The following FAM13A variants were observed in gnomAD, a reference collection of about 807,000 sequenced individuals.
FAM13A encodes the protein family with sequence similarity 13 member A, also known as protein FAM13A.
In FAM13A, 76 loss-of-function variants were observed where a neutral mutation model predicts 129.6. The ratio of observed to expected loss-of-function variants is 0.59; its 90% CI spans 0.49 to 0.71. The LOEUF is 0.71. Among genes scored for constraint, FAM13A ranks in the 30% least tolerant of loss-of-function variants. FAM13A has a pLI of 0.00. For synonymous variants in FAM13A, 443 were observed against 449.9 expected (o/e 0.98, Z 0.20); for missense variants, 1,108 against 1,249.3 (o/e 0.89, Z 1.70).
rs1352663934 is a variant in FAM13A at position 88,727,744 on chromosome 4, G to A, written c.*789C>T. On this transcript the variant is annotated 3_prime_UTR_variant, in exon 24 of 24. Transcript: ENST00000264344. Reference sequence around the variant, plus strand: ...AATCAGACTGGTAAGTGCAGTCAGTGTTCAGGAAAGAATCTCCAGGCTCTT... The same window carrying A: ...AATCAGACTGGTAAGTGCAGTCAGTATTCAGGAAAGAATCTCCAGGCTCTT... 1 of 152,262 alleles carries A rather than the reference G, an allele frequency of 6.6e-6. No individual in the cohort carries two copies. The highest frequency in any genetic ancestry group is 1.5e-5 in the Non-Finnish European group (1 of 68,094). 9.4% of individuals were successfully genotyped at this position (152,262 alleles called of 1,614,324 possible). A position where few individuals can be genotyped will look rare whatever the true frequency, so the allele number is the denominator to read the frequency against.
At chr4:88,966,131 T>C (rs1209909720) in intron 4 of FAM13A, among the ~76,000 whole-genome samples, 2 of 152,210 alleles carry the variant, frequency 1.3e-5, no homozygotes, top group African/African-American at 2.4e-5. Flanking sequence ...TGAAGACATG[T>C]TATGTAGTTT....
At chr4:88,767,294 T>C (rs548704738) in intron 13 of FAM13A, among the ~76,000 whole-genome samples, 11 of 152,244 alleles carry the variant, frequency 7.2e-5, no homozygotes, top group Non-Finnish European at 1.3e-4. Context: ...TTTGTTTTAC[T>C]TTATAGAAAA....
At chr4:88,795,897 C>A (rs1047265175) in intron 8 of FAM13A, among the ~76,000 whole-genome samples, 4 of 151,846 alleles carry the variant, frequency 2.6e-5, no homozygotes, top group African/African-American at 9.6e-5. Flanking sequence ...ATAACCCTTA[C>A]AGTAAACTTC....
intron 1 of FAM13A, among the ~76,000 whole-genome samples, chr4:89,053,739 A>G (rs922572487): frequency 2.0e-5 from 3 of 152,136 alleles, no homozygotes; most frequent in Admixed American, 2.0e-4. Flanking sequence ...CCAGTCATAG[A>G]TTTGAGACCT....
intron 1 of FAM13A, among the ~76,000 whole-genome samples, chr4:89,046,851 G>T (rs1346108722): frequency 6.6e-6 from 1 of 151,594 alleles, no homozygotes; most frequent in East Asian, 1.9e-4. Flanking sequence ...GCCCTATCTC[G>T]AAAAGAAAAG....
chr4:88,809,958 T>C (rs1729349696), intron 7 of FAM13A, among the ~76,000 whole-genome samples: 1 of 152,028 alleles, frequency 6.6e-6, no homozygotes, highest in Admixed American at 6.6e-5. Context: ...GTGGGGGATA[T>C]TTTACAATTC....
At chr4:88,833,555 A>G (rs1734280786) in intron 7 of FAM13A, among the ~76,000 whole-genome samples, 1 of 152,218 alleles carries the variant, frequency 6.6e-6, no homozygotes. Context: ...ATTTAAAAAC[A>G]AAAATAAAAA....
intron 6 of FAM13A, among the ~76,000 whole-genome samples, chr4:88,895,970 C>A (rs570190458): frequency 6.8e-6 from 1 of 147,622 alleles, no homozygotes; most frequent in Admixed American, 6.8e-5. Context: ...CACATGCACA[C>A]GTATGTTTAT....
rs778460827 is a variant in FAM13A at position 89,029,650 on chromosome 4, C to T, written c.28-1G>A. 6.4e-7 allele frequency: 1 copy of T among 1,571,342 alleles called. No homozygotes were observed. Among genetic ancestry groups the T allele is most frequent in the Non-Finnish European group, 8.6e-7 (1 of 1,166,854 alleles). The stretch of plus-strand genomic sequence containing the variant: ...TCAGCCGAACCGCTGCTTTACTTTG[C>T]TTAAAGGAGCGTAAGAAAAAAGAGC... On this transcript the variant is annotated splice_acceptor_variant, in intron 1 of 23. Transcript: ENST00000264344. LOFTEE classifies it high-confidence loss of function.
chr4:88,880,601 G>A (rs375842666), intron 6 of FAM13A, among the ~76,000 whole-genome samples: 3 of 152,120 alleles, frequency 2.0e-5, no homozygotes, highest in Admixed American at 6.5e-5. Flanking sequence ...TCTGAGGAAG[G>A]GGGCATTGGA....
rs551764320 is a variant in FAM13A, at chr4:88,771,793, T to C, written c.1459-3734A>G. On this transcript the variant is annotated intron_variant, in intron 11 of 23. Transcript: ENST00000264344. ...AAAATTTTGACTCATATAAGTCCTA[T>C]CAATGACTTTCAAAACACAGATTCA... 9.2e-4 allele frequency among the ~76,000 whole-genome samples: 140 copies of C among 152,304 alleles called. No individual in the cohort carries two copies. In the Middle Eastern group the frequency reaches 0.01, roughly 11 times the overall value.
At chr4:88,843,086 T>C (rs1181195843) in intron 7 of FAM13A, among the ~76,000 whole-genome samples, 1 of 152,210 alleles carries the variant, frequency 6.6e-6, no homozygotes, top group Non-Finnish European at 1.5e-5. Flanking sequence ...CAAGAATAAA[T>C]TACAAAATGG....
At chr4:88,932,948 T>A (rs971730641) in intron 5 of FAM13A, among the ~76,000 whole-genome samples, 13 of 152,168 alleles carry the variant, frequency 8.5e-5, no homozygotes, top group African/African-American at 3.1e-4. Context: ...ACCCAAAAGT[T>A]AACATATAAT....
chr4:88,748,968 G>A lies in FAM13A; in HGVS notation c.2145C>T (p.Phe715=). Residue 715 remains phenylalanine, a synonymous_variant, in exon 17 of 24, where the codon TTC becomes TTT. Transcript: ENST00000264344. The stretch of plus-strand genomic sequence containing the variant: ...TTTACCCACCTTTAAGTTGTCTCCG[G>A]AATTTGGCAAGGTCATTTGTCCATT... ...VLKWTNDLAK[F]RRQLKESKLK... is the part of the protein sequence containing the mutation. 1 of 1,613,722 alleles carries A rather than the reference G, an allele frequency of 6.2e-7. No individual in the cohort carries two copies. Among genetic ancestry groups the A allele is most frequent in the Non-Finnish European group, 8.5e-7 (1 of 1,179,602 alleles).
intron 7 of FAM13A, among the ~76,000 whole-genome samples, chr4:88,833,639 A>G (rs1734293565): frequency 6.6e-6 from 1 of 152,116 alleles, no homozygotes; most frequent in Admixed American, 6.5e-5. Context: ...TAATCCCAGC[A>G]CTTTAGGAGG....
intron 6 of FAM13A, among the ~76,000 whole-genome samples, chr4:88,873,317 CA>C (rs1237099975): frequency 3.3e-5 from 5 of 151,674 alleles, no homozygotes; most frequent in Non-Finnish European, 7.4e-5. Context: ...AATAGAGACA[CA>C]AAAAAACCCT....
At chr4:88,730,567 T>A (rs1737483054) in intron 23 of FAM13A, among the ~76,000 whole-genome samples, 1 of 152,084 alleles carries the variant, frequency 6.6e-6, no homozygotes, top group South Asian at 2.1e-4. Context: ...ATTTTTTGTA[T>A]TTTTAGTAGA....
intron 3 of FAM13A, among the ~76,000 whole-genome samples, chr4:89,013,385 T>C (rs574320811): frequency 4.0e-5 from 6 of 151,548 alleles, no homozygotes; most frequent in African/African-American, 7.3e-5. Context: ...CTATCTTCTA[T>C]CTGAATTATG....
At chr4:88,932,313 G>C in intron 5 of FAM13A, among the ~76,000 whole-genome samples, 1 of 152,148 alleles carries the variant, frequency 6.6e-6, no homozygotes, top group East Asian at 1.9e-4. Flanking sequence ...TCAATTACTT[G>C]TGAGGTTACT....
Sources: gnomAD v4.1 joint callset for allele counts (sites outside exome capture counted in the v4.1 genomes callset) on GRCh38, gnomAD v4.1.1 for gene constraint, MANE v1.5 for transcripts, NCBI Gene and HGNC (gene_info 2026-07-23, HGNC 2026-07-21) for gene names.